The following UBR2 variants were observed in gnomAD, a reference collection of about 807,000 sequenced individuals.
UBR2 encodes the protein E3 ubiquitin-protein ligase UBR2.
UBR2 carries 92 observed loss-of-function variants against 247.9 expected under a neutral mutation model. The ratio of observed to expected loss-of-function variants is 0.37; its 90% confidence interval spans 0.31 to 0.44. UBR2 has a LOEUF of 0.44. Among genes scored for constraint, UBR2 ranks in the 20% least tolerant of loss-of-function variants. The probability of loss-of-function intolerance (pLI) is 1.00; values close to 1 mark genes in which losing one functional copy is unlikely to be tolerated. For synonymous variants in UBR2, 672 were observed against 693.5 expected (o/e 0.97, Z 0.49); for missense variants, 1,613 against 2,112.6 (o/e 0.76, Z 4.64).
At chr6:42,620,394 C>A (rs928979597) in intron 11 of UBR2, 2 of 151,684 alleles carry the variant, frequency 1.3e-5, no homozygotes, top group African/African-American at 4.8e-5. Flanking sequence ...CAGAGTTTTT[C>A]ATAGATTCTG....
chr6:42,640,450 A>G (rs1796372607), intron 16 of UBR2, among the ~76,000 whole-genome samples, 180 bp downstream of exon 16: 1 of 150,160 alleles, frequency 6.7e-6, no homozygotes. Flanking sequence ...ATACATATAT[A>G]GAGAGAGAGA....
rs750040880 is a variant in UBR2, at chr6:42,670,702, T to C, written c.4073T>C (p.Leu1358Ser). 23 of 1,610,360 alleles carry C rather than the reference T, an allele frequency of 1.4e-5. No homozygotes were observed. The highest frequency in any genetic ancestry group is 1.9e-5 in the Non-Finnish European group (22 of 1,178,446). Residue 1358 changes from leucine (L) to serine (S), a missense_variant, in exon 36 of 47, where the codon TTA (leucine) becomes TCA (serine). Transcript: ENST00000372901. ...GAAGATAAACCATTGTTTGGTCCTT[T>C]ACCTTGCAGACTGGTAAGTTCTCAG... ...SDEDKPLFGP[L>S]PCRLDDCLRS...
chr6:42,667,165 G>T (rs2151979726), intron 34 of UBR2, among the ~76,000 whole-genome samples: 1 of 152,080 alleles, frequency 6.6e-6, no homozygotes, highest in African/African-American at 2.4e-5. Context: ...ATGAAACCCT[G>T]TCTCTACTAA....
At chr6:42,607,503 T>C (rs1793778589) in intron 7 of UBR2, among the ~76,000 whole-genome samples, 1 of 151,760 alleles carries the variant, frequency 6.6e-6, no homozygotes, top group Non-Finnish European at 1.5e-5. Flanking sequence ...TGGAGGCCCC[T>C]GTATTATTAT....
intron 23 of UBR2, 144 bp downstream of exon 23, chr6:42,650,530 C>T: frequency 1.6e-6 from 1 of 606,118 alleles, no homozygotes; most frequent in Non-Finnish European, 2.8e-6. Context: ...CTCCTGGGCT[C>T]AAGCAATTCT....
At position 42,658,769 on chromosome 6, in the gene UBR2, C is replaced by G; in HGVS notation, c.3187C>G (p.Leu1063Val). ...QRHFIDENKE[L>V]FQQTLELDAS... ...GCATTTTATTGATGAAAACAAAGAA[C>G]TCTTTCAGCAGACATTAGAACTGGA... The change falls in exon 29 of 47, where the codon CTC (leucine) becomes GTC (valine). Residue 1063 changes from leucine to valine, a missense_variant. Transcript: ENST00000372901. 1 of 1,610,012 alleles carries G rather than the reference C, an allele frequency of 6.2e-7. No homozygotes were observed. Among genetic ancestry groups the G allele is most frequent in the Non-Finnish European group, 8.5e-7 (1 of 1,179,120 alleles).
intron 1 of UBR2, among the ~76,000 whole-genome samples, chr6:42,567,534 T>A (rs181985319): frequency 6.6e-6 from 1 of 151,966 alleles, no homozygotes; most frequent in South Asian, 2.1e-4. Flanking sequence ...ATAGAGACCA[T>A]CCTGGCCAAC....
At chr6:42,683,626 G>A (rs1012742804) in intron 43 of UBR2, among the ~76,000 whole-genome samples, 3 of 152,102 alleles carry the variant, frequency 2.0e-5, no homozygotes, top group African/African-American at 7.2e-5. Flanking sequence ...TATACAAGTT[G>A]CGCATCTCTA....
chr6:42,631,250 GGATCCAT>G (rs1320406929), intron 11 of UBR2, among the ~76,000 whole-genome samples: 1 of 152,128 alleles, frequency 6.6e-6, no homozygotes, highest in Non-Finnish European at 1.5e-5. Context: ...GTCAGGGTGA[GGATCCAT>G]GATCTTTTGT....
chr6:42,592,929 C>G (rs1025293674), intron 3 of UBR2, among the ~76,000 whole-genome samples: 1 of 152,156 alleles, frequency 6.6e-6, no homozygotes, highest in Non-Finnish European at 1.5e-5. Flanking sequence ...AATTCCAGCA[C>G]TTTGGGAGGC....
chr6:42,679,728 T>C lies in UBR2; in HGVS notation c.4614T>C (p.Pro1538=), dbSNP rs1582720688. Residue 1538 remains proline, a synonymous_variant, in exon 42 of 47, where the codon CCT becomes CCC. Transcript: ENST00000372901. Reference sequence around the variant, plus strand: ...TTTCTTGTTCTTCATTTGCAGTTCCTGGAACAAGCCATTTTGAACATTTAT... The same window carrying C: ...TTTCTTGTTCTTCATTTGCAGTTCCCGGAACAAGCCATTTTGAACATTTAT... ...GVPSPPDIQV[P]GTSHFEHLCS... The C allele has an allele frequency of 1.9e-6, 3 of 1,612,416 alleles. No individual in the cohort carries two copies. In the East Asian group the frequency reaches 6.7e-5, roughly 36 times the overall value.
chr6:42,645,741 T>C (rs1439497282), intron 21 of UBR2, 151 bp downstream of exon 21: 7 of 773,732 alleles, frequency 9.0e-6, no homozygotes, highest in Non-Finnish European at 1.4e-5. Flanking sequence ...TTATTATGAA[T>C]AATTAGAAAA....
Position 42,658,304 on chromosome 6 carries a change from G to GA in UBR2, c.3049dup (p.Thr1017AsnfsTer14). 6.2e-7 allele frequency: 1 copy of GA among 1,613,642 alleles called. No individual in the cohort carries two copies. Among genetic ancestry groups the GA allele is most frequent in the Non-Finnish European group, 8.5e-7 (1 of 1,179,888 alleles). On this transcript the variant is annotated frameshift_variant, in exon 28 of 47. Transcript: ENST00000372901. LOFTEE classifies it high-confidence loss of function. The stretch of plus-strand genomic sequence containing the variant: ...ACCAGTCCCGTGGCAGAGACAGAAG[G>GA]AACCATAATGGAAGAGGTATAAACA...
rs572508498 is a variant in UBR2 at position 42,636,048 on chromosome 6, A to T, written c.1674+502A>T. On this transcript the variant is annotated intron_variant, in intron 14 of 46. Transcript: ENST00000372901. The stretch of plus-strand genomic sequence containing the variant: ...CTGACTGAGAAGACAGCTGCATTAT[A>T]GTCTGTGATGACAGGGACTAGGGTA... 2.6e-5 allele frequency among the ~76,000 whole-genome samples: 4 copies of T among 152,308 alleles called. No individual in the cohort carries two copies. In the East Asian group the frequency reaches 7.7e-4, roughly 29 times the overall value.
At chr6:42,613,133 G>A (rs1264189887) in intron 8 of UBR2, among the ~76,000 whole-genome samples, 4 of 151,802 alleles carry the variant, frequency 2.6e-5, no homozygotes, top group South Asian at 2.1e-4. Flanking sequence ...CTAGAAATTC[G>A]GTCATTTTTC....
At chr6:42,572,656 T>G (rs61298049) in intron 1 of UBR2, among the ~76,000 whole-genome samples, 33,117 of 151,922 alleles carry the variant, frequency 0.22, 3,655 homozygotes, top group African/African-American at 0.25. Context: ...CCTTCCTCTT[T>G]CCCTCCATCT....
At chr6:42,637,287 T>A (rs971548218) in intron 15 of UBR2, 93 bp downstream of exon 15, 12 of 1,338,160 alleles carry the variant, frequency 9.0e-6, no homozygotes, top group Non-Finnish European at 1.2e-5. Context: ...GTGCCAGATG[T>A]TATTCTGTGA....
At chr6:42,686,924 C>T (rs1199494992) in intron 44 of UBR2, among the ~76,000 whole-genome samples, 10 of 150,702 alleles carry the variant, frequency 6.6e-5, no homozygotes, top group Non-Finnish European at 1.2e-4. Flanking sequence ...ACATCCCAGA[C>T]GGGGCGGCGG....
intron 33 of UBR2, 39 bp downstream of exon 33, chr6:42,665,551 C>T: frequency 1.4e-6 from 2 of 1,436,990 alleles, no homozygotes; most frequent in South Asian, 2.5e-5. Context: ...TCCCTAAAGT[C>T]CGAGGTCATC....
Sources: allele counts gnomAD v4.1 joint callset (sites outside exome capture counted in the v4.1 genomes callset), GRCh38; gene constraint gnomAD v4.1.1; transcripts MANE v1.5; gene names NCBI Gene and HGNC (gene_info 2026-07-23, HGNC 2026-07-21).